Variants in WDR26 observed in about 807,000 individuals in gnomAD.
The protein encoded by WDR26 is WD repeat domain 26.
WDR26 carries 5 observed loss-of-function variants against 84.1 expected under a neutral mutation model. That is an observed-to-expected ratio of 0.06 (90% CI 0.03 to 0.13). WDR26 has a LOEUF of 0.13. Among genes scored for constraint, WDR26 ranks in the 10% least tolerant of loss-of-function variants. WDR26 has a pLI of 1.00. For missense variants in WDR26, 642 were observed against 974.9 expected (o/e 0.66, Z 4.55); for synonymous variants, 415 against 389.6 (o/e 1.07, Z -0.77).
Position 224,433,982 on chromosome 1 carries a change from A to C in WDR26, c.424T>G (p.Ser142Ala). Residue 142 changes from serine (S) to alanine (A), a missense_variant, in exon 1 of 14, where the codon TCG (serine) becomes GCG (alanine). Ser to Ala is a moderately conservative substitution (Grantham distance 99). Around this residue, in one of 2 missense-constraint regions of WDR26, gnomAD observed 291 missense variants for 302.1 expected, o/e 0.96. Transcript: ENST00000414423. ...GCGGACGACGACGACGAGGGGGACG[A>C]CTCCCCGTTCTGGGCCGACAAGCAG... is the stretch of plus-strand genomic sequence containing the variant. 6.6e-7 allele frequency: 1 copy of C among 1,526,108 alleles called. No individual in the cohort carries two copies. Among genetic ancestry groups the C allele is most frequent in the Non-Finnish European group, 8.8e-7 (1 of 1,140,094 alleles). The allele number at this position is 1,526,108 out of a possible 1,614,324, so 94.5% of individuals were successfully genotyped here. A position where few individuals can be genotyped will look rare whatever the true frequency, so the allele number is the denominator to read the frequency against.
chr1:224,424,981 A>C (rs1674168549), intron 3 of WDR26, among the ~76,000 whole-genome samples: 1 of 152,256 alleles, frequency 6.6e-6, no homozygotes, highest in Admixed American at 6.5e-5. Context: ...TTGTATAAAA[A>C]TTTAGAACTA....
At chr1:224,389,906 G>GCGGC in intron 13 of WDR26, 46 bp from the exon 14 acceptor site, 1 of 470,798 alleles carries the variant, frequency 2.1e-6, no homozygotes, top group Non-Finnish European at 4.0e-6. Context: ...GCGGGGGAGG[G>GCGGC]AAGAGGGGAA....
chr1:224,414,910 C>A (rs910750847), intron 6 of WDR26, among the ~76,000 whole-genome samples: 1 of 152,164 alleles, frequency 6.6e-6, no homozygotes, highest in South Asian at 2.1e-4. Context: ...ACACCTGAAG[C>A]CCCAGCTGCT....
chr1:224,399,153 A>C (rs1673342252), intron 9 of WDR26, 119 bp from the exon 10 acceptor site: 1 of 846,210 alleles, frequency 1.2e-6, no homozygotes, highest in East Asian at 3.1e-5. Context: ...TTTTCCTGAG[A>C]CTGATCTCAA....
chr1:224,423,202 A>C (rs1424026277), intron 4 of WDR26, among the ~76,000 whole-genome samples: 1 of 152,182 alleles, frequency 6.6e-6, no homozygotes, highest in African/African-American at 2.4e-5. Context: ...CTTTGAACAG[A>C]GATAGTTTTT....
In WDR26 at chr1:224,433,917, G is replaced by C. The variant is rs954251645; in HGVS notation, c.489C>G (p.Ala163=). The change falls in exon 1 of 14, where the codon GCC becomes GCG. Residue 163 remains alanine, a synonymous_variant. Transcript: ENST00000414423. ...TGCTATTGTTGCTGGCGGCGGAGGG[G>C]GCGGAAGGCAGGAGCCCATTGGCGT... is the stretch of plus-strand genomic sequence containing the variant. 31 of 1,536,412 alleles carry C rather than the reference G, an allele frequency of 2.0e-5. No individual in the cohort carries two copies. Among genetic ancestry groups the C allele is most frequent in the East Asian group, 7.3e-5 (3 of 40,900 alleles).
In WDR26 at chr1:224,434,150, C is replaced by G. The variant is rs1267508511; in HGVS notation, c.256G>C (p.Val86Leu). The G allele has an allele frequency of 2.1e-6, 3 of 1,420,308 alleles. No individual in the cohort carries two copies. The highest frequency in any genetic ancestry group is 2.7e-6 in the Non-Finnish European group (3 of 1,091,284). 88.0% of individuals were successfully genotyped at this position (1,420,308 alleles called of 1,614,324 possible). Residue 86 changes from valine to leucine, a missense_variant, in exon 1 of 14, where the codon GTC becomes CTC. By Grantham distance (32) the Val-to-Leu change is conservative. Transcript: ENST00000414423. ...CTGTGGCCGCTACTTCGGTGGGGGA[C>G]AGCAGCGGCGGCGGGAGGGGCAGCA... is the stretch of plus-strand genomic sequence containing the variant.
In WDR26 at chr1:224,392,143, C is replaced by T. The variant is rs191244866; in HGVS notation, c.2260+1685G>A. Among the ~76,000 whole-genome samples, 759 of 152,148 alleles carry T rather than the reference C, an allele frequency of 5.0e-3. 10 individuals are homozygous for T. Among genetic ancestry groups the T allele is most frequent in the African/African-American group, 0.018 (736 of 41,516 alleles). On this transcript the variant is annotated intron_variant, in intron 13 of 13. Transcript: ENST00000414423. ...TTGGGAGGCCGAGGCGGGTGGATCA[C>T]GAGGTCAGGAGATCGAGACCATCCT...
chr1:224,395,549 G>T (rs1558415861), intron 12 of WDR26, among the ~76,000 whole-genome samples: 1 of 150,388 alleles, frequency 6.6e-6, no homozygotes, highest in Non-Finnish European at 1.5e-5. Flanking sequence ...CTTCTTAGAA[G>T]TATCTGCTGC....
Position 224,389,276 on chromosome 1 carries a change from T to C in WDR26, c.*559A>G, listed in dbSNP as rs1490520193. The C allele has an allele frequency of 5.9e-6, 1 of 168,878 alleles. No homozygotes were observed. The highest frequency in any genetic ancestry group is 2.5e-3 in the Middle Eastern group (1 of 398). The allele number at this position is 168,878 out of a possible 1,614,324, so 10.5% of individuals were successfully genotyped here. A position where few individuals can be genotyped will look rare whatever the true frequency, so the allele number is the denominator to read the frequency against. ...TTTGACATAGTTCACTGGTTTATCATCTGGATCAGTATATACTGCGCAACG... is the reference window on the plus strand; with the variant it reads ...TTTGACATAGTTCACTGGTTTATCACCTGGATCAGTATATACTGCGCAACG... On this transcript the variant is annotated 3_prime_UTR_variant, in exon 14 of 14. Coordinates refer to ENST00000414423, the MANE Select transcript of WDR26 (RefSeq NM_001379403.1).
intron 6 of WDR26, among the ~76,000 whole-genome samples, chr1:224,415,037 C>T (rs1488407760): frequency 6.6e-6 from 1 of 152,096 alleles, no homozygotes; most frequent in African/African-American, 2.4e-5. Flanking sequence ...TAAAAAATAA[C>T]TAAGTAAATT....
At chr1:224,424,476 T>TG in intron 4 of WDR26, 42 bp downstream of exon 4, 2 of 1,594,342 alleles carry the variant, frequency 1.3e-6, no homozygotes, top group Non-Finnish European at 1.7e-6. Flanking sequence ...AATATAACTT[T>TG]GGCCCTCCAT....
intron 13 of WDR26, among the ~76,000 whole-genome samples, chr1:224,392,245 C>T (rs988708082): frequency 2.4e-4 from 37 of 151,936 alleles, no homozygotes; most frequent in African/African-American, 8.9e-4. Flanking sequence ...CCTGTAGTCC[C>T]AGCTACTCGG....
At chr1:224,418,464 A>G in intron 5 of WDR26, 48 bp from the exon 6 acceptor site, 2 of 1,507,140 alleles carry the variant, frequency 1.3e-6, no homozygotes, top group East Asian at 4.9e-5. Context: ...TAAACTGTAA[A>G]CTTTTATTTA....
At position 224,434,558 on chromosome 1, in the gene WDR26, G is replaced by A. The variant is rs1225744861; in HGVS notation, c.-153C>T. On this transcript the variant is annotated 5_prime_UTR_variant, in exon 1 of 14. Coordinates refer to ENST00000414423, the MANE Select transcript of WDR26 (RefSeq NM_001379403.1). ...GGAGGAGGAGGAGGGGGAGAAGGAG[G>A]ATCCGGGCCCTTTCCCCCCCCCCTC... 2.2e-5 allele frequency: 8 copies of A among 371,996 alleles called. No individual in the cohort carries two copies. Among genetic ancestry groups the A allele is most frequent in the African/African-American group, 1.4e-4 (6 of 43,384 alleles). 23.0% of individuals were successfully genotyped at this position (371,996 alleles called of 1,614,324 possible). A position where few individuals can be genotyped will look rare whatever the true frequency, so the allele number is the denominator to read the frequency against.
rs972629906 is a variant in WDR26 at position 224,419,632 on chromosome 1, G to C, written c.1065-17C>G. The C allele has an allele frequency of 6.3e-7, 1 of 1,585,534 alleles. No homozygotes were observed. On this transcript the variant is annotated splice_polypyrimidine_tract_variant and intron_variant, in intron 4 of 13. Coordinates refer to ENST00000414423, the MANE Select transcript of WDR26 (RefSeq NM_001379403.1). The stretch of plus-strand genomic sequence containing the variant: ...ATCAGATACCTAAAAATACAACAGA[G>C]AAAGCAACCAATATTAAACCCATTT...
At chr1:224,411,701 A>C (rs1234736223) in intron 6 of WDR26, 136 bp from the exon 7 acceptor site, 7 of 1,034,030 alleles carry the variant, frequency 6.8e-6, no homozygotes, top group Non-Finnish European at 9.3e-6. Flanking sequence ...TGCATTTGTA[A>C]ATCTTTTTTT....
chr1:224,419,718 A>G, intron 4 of WDR26, 103 bp from the exon 5 acceptor site: 1 of 826,332 alleles, frequency 1.2e-6, no homozygotes, highest in Admixed American at 2.2e-5. Flanking sequence ...TTACTAATAC[A>G]TGTCAAGAAA....
intron 4 of WDR26, among the ~76,000 whole-genome samples, chr1:224,420,849 C>T (rs574948209): frequency 6.6e-5 from 10 of 152,234 alleles, no homozygotes; most frequent in Admixed American, 1.3e-4. Context: ...CCGCCCGCCT[C>T]GGCCTCCCAA....
Sources: gnomAD v4.1 joint callset for allele counts (sites outside exome capture counted in the v4.1 genomes callset) on GRCh38, gnomAD v4.1.1 for gene constraint, gnomAD v4.1.1 regional missense constraint, MANE v1.5 for transcripts, NCBI Gene and HGNC (gene_info 2026-07-23, HGNC 2026-07-21) for gene names.